The following OR51B5 variants were observed in gnomAD, a reference collection of about 807,000 sequenced individuals.
OR51B5 encodes olfactory receptor 51B5.
For synonymous variants in OR51B5, 186 were observed against 144.8 expected, an observed-to-expected ratio of 1.28 and a Z score of -2.04; for missense variants, 456 against 374.6, an observed-to-expected ratio of 1.22 and a Z score of -1.79.
chr11:5,495,173 G>A lies in OR51B5; in HGVS notation n.84+10396C>T, dbSNP rs191094452. Among the ~76,000 whole-genome samples the A allele has an allele frequency of 5.3e-5, 8 of 152,242 alleles. No homozygotes were observed. The South Asian group carries it at 8.3e-4, about 16-fold the overall frequency. On this transcript the variant is annotated intron_variant and non_coding_transcript_variant, in intron 1 of 4. Coordinates refer to the OR51B5 transcript ENST00000415970. ...ATATTCAAGAGTGGATGCACTGAACGAGTTCATCACCACTAGACCAGCCAT... is the reference window on the plus strand; with the variant it reads ...ATATTCAAGAGTGGATGCACTGAACAAGTTCATCACCACTAGACCAGCCAT...
chr11:5,444,363 T>C (rs1253774625), intron 1 of OR51B5, among the ~76,000 whole-genome samples: 1 of 152,078 alleles, frequency 6.6e-6, no homozygotes, highest in Non-Finnish European at 1.5e-5. Context: ...GAGACAAAAA[T>C]CTATAAATGA....
chr11:5,462,266 G>A (rs930681074), intron 1 of OR51B5, among the ~76,000 whole-genome samples: 1 of 152,170 alleles, frequency 6.6e-6, no homozygotes, highest in Non-Finnish European at 1.5e-5. Flanking sequence ...TCATGGGCAA[G>A]ACCAACAGAA....
In OR51B5 at chr11:5,453,665, G is replaced by A. The variant is rs1408496242; in HGVS notation, n.84+51904C>T. 4 of 1,613,522 alleles carry A rather than the reference G, an allele frequency of 2.5e-6. No homozygotes were observed. In the East Asian group the frequency reaches 8.9e-5, roughly 36 times the overall value. On this transcript the variant is annotated intron_variant and non_coding_transcript_variant, in intron 1 of 4. Coordinates refer to the OR51B5 transcript ENST00000415970. ...TGGAGCCCAGCCTCCATGAGCCCAT[G>A]TACTACTTCCTGTCCATGTTGTCCT... is the stretch of plus-strand genomic sequence containing the variant.
chr11:5,343,811 TAAACTACAAC>T (rs1482157265), upstream of OR51B5, among the ~76,000 whole-genome samples: 8 of 152,350 alleles, frequency 5.3e-5, no homozygotes, highest in African/African-American at 1.7e-4. Flanking sequence ...AAAAATTATG[TAAACTACAAC>T]TTCTAAACTG....
intron 1 of OR51B5, chr11:5,389,295 AG>A: frequency 9.2e-7 from 1 of 1,091,068 alleles, no homozygotes; most frequent in Non-Finnish European, 1.3e-6. Flanking sequence ...ATAATACTAA[AG>A]GTGATGATGA....
chr11:5,448,315 G>A (rs941874516), intron 1 of OR51B5, among the ~76,000 whole-genome samples: 5 of 152,168 alleles, frequency 3.3e-5, no homozygotes, highest in Admixed American at 6.5e-5. Flanking sequence ...TCCACACCCA[G>A]TAGATGTTAA....
intron 1 of OR51B5, among the ~76,000 whole-genome samples, chr11:5,415,033 C>G (rs1464062641): frequency 6.6e-6 from 1 of 152,052 alleles, no homozygotes; most frequent in Non-Finnish European, 1.5e-5. Flanking sequence ...CAGTAAAGCT[C>G]TCCTCAGCAA....
At chr11:5,370,786 T>C (rs1050474536) in intron 1 of OR51B5, among the ~76,000 whole-genome samples, 4 of 152,102 alleles carry the variant, frequency 2.6e-5, no homozygotes, top group African/African-American at 9.7e-5. Flanking sequence ...ATAGCTGCTA[T>C]GAAAGAAAGA....
intron 1 of OR51B5, chr11:5,354,910 G>C (rs1849164155): frequency 5.8e-6 from 1 of 172,116 alleles, no homozygotes; most frequent in Non-Finnish European, 1.2e-5. Context: ...AAGAGACCTT[G>C]ACGAAGCTGA....
chr11:5,479,055 A>T (rs1374358357), intron 1 of OR51B5, among the ~76,000 whole-genome samples: 9 of 152,140 alleles, frequency 5.9e-5, no homozygotes, highest in Admixed American at 3.9e-4. Flanking sequence ...AAGACACATA[A>T]TTATCAGATT....
At chr11:5,497,305 C>T (rs894478507) in intron 1 of OR51B5, among the ~76,000 whole-genome samples, 2 of 152,096 alleles carry the variant, frequency 1.3e-5, no homozygotes, top group Non-Finnish European at 2.9e-5. Context: ...CCAGCTACTC[C>T]AGAGGCTGAG....
chr11:5,476,211 T>C (rs373792445), intron 1 of OR51B5, among the ~76,000 whole-genome samples: 20 of 152,356 alleles, frequency 1.3e-4, no homozygotes, highest in South Asian at 4.1e-4. Flanking sequence ...CATTCATGTA[T>C]ACTTATTGAG....
intron 1 of OR51B5, among the ~76,000 whole-genome samples, chr11:5,456,675 T>A (rs1850965608): frequency 6.6e-6 from 1 of 152,168 alleles, no homozygotes; most frequent in Admixed American, 6.5e-5. Flanking sequence ...AAATTGCATG[T>A]CACCGGGGTT....
upstream of OR51B5, chr11:5,343,679 T>G: frequency 1.9e-6 from 1 of 534,754 alleles, no homozygotes. Flanking sequence ...CAAAATACAT[T>G]CTCAGGGTTA....
intron 1 of OR51B5, among the ~76,000 whole-genome samples, chr11:5,383,409 T>C (rs988031152): frequency 6.6e-6 from 1 of 152,176 alleles, no homozygotes; most frequent in South Asian, 2.1e-4. Flanking sequence ...GTAGTGGTGA[T>C]TGTGGTGCTT....
upstream of OR51B5, among the ~76,000 whole-genome samples, chr11:5,344,927 A>G (rs1447106405): frequency 6.6e-6 from 1 of 152,182 alleles, no homozygotes; most frequent in Non-Finnish European, 1.5e-5. Context: ...CTAGAACTGC[A>G]CCTATGAGGA....
At chr11:5,366,363 T>C (rs961861954) in intron 1 of OR51B5, among the ~76,000 whole-genome samples, 4 of 151,908 alleles carry the variant, frequency 2.6e-5, no homozygotes, top group Non-Finnish European at 4.4e-5. Flanking sequence ...TCCCAGCACT[T>C]TGGGTGGCTG....
In OR51B5 at chr11:5,444,461, G is replaced by C. The variant is rs930072419; in HGVS notation, n.84+61108C>G. ...CCTGGCATCAGGTGTCTGTGATCCT[G>C]GAGTTTGGAAGGGGTCAGATTTGGC... On this transcript the variant is annotated intron_variant and non_coding_transcript_variant, in intron 1 of 4. Transcript: ENST00000415970. Among the ~76,000 whole-genome samples, 4 of 152,148 alleles carry C rather than the reference G, an allele frequency of 2.6e-5. No individual in the cohort carries two copies. In the East Asian group the frequency reaches 7.7e-4, roughly 29 times the overall value.
chr11:5,479,245 C>A (rs1207261785), intron 1 of OR51B5, among the ~76,000 whole-genome samples: 1 of 149,362 alleles, frequency 6.7e-6, no homozygotes, highest in Admixed American at 6.7e-5. Flanking sequence ...CCCAGAATTT[C>A]ATATCCAGCC....
Sources: gnomAD v4.1 joint callset for allele counts (sites outside exome capture counted in the v4.1 genomes callset) on GRCh38, gnomAD v4.1.1 for gene constraint, MANE v1.5 for transcripts, NCBI Gene and HGNC (gene_info 2026-07-23, HGNC 2026-07-21) for gene names.